The following ESRRG variants were observed in gnomAD, a reference collection of about 807,000 sequenced individuals.
ESRRG encodes estrogen related receptor gamma, also known as estrogen-related receptor gamma.
In ESRRG, 13 loss-of-function variants were observed where a neutral mutation model predicts 44.0. That is an observed-to-expected ratio of 0.30 (90% CI 0.19 to 0.47). The LOEUF is 0.47. Among genes scored for constraint, ESRRG ranks in the 20% least tolerant of loss-of-function variants. The pLI, the probability that ESRRG is intolerant of heterozygous loss-of-function variation, is 1.00. For synonymous variants in ESRRG, 215 were observed against 214.6 expected, an observed-to-expected ratio of 1.00 and a Z score of -0.02; for missense variants, 395 against 580.6, an observed-to-expected ratio of 0.68 and a Z score of 3.29.
intron 3 of ESRRG, among the ~76,000 whole-genome samples, chr1:216,630,250 C>G (rs1448729165): frequency 6.6e-6 from 1 of 152,144 alleles, no homozygotes; most frequent in Non-Finnish European, 1.5e-5. Flanking sequence ...CATTCATTCT[C>G]TGGTCAGAGA....
intron 2 of ESRRG, among the ~76,000 whole-genome samples, chr1:216,732,602 C>T (rs769456124): frequency 5.9e-5 from 9 of 151,864 alleles, no homozygotes; most frequent in Non-Finnish European, 1.3e-4. Flanking sequence ...GTCTCGAATG[C>T]CTGACCTCAG....
chr1:216,761,868 T>A (rs930261810), intron 2 of ESRRG, among the ~76,000 whole-genome samples: 4 of 152,100 alleles, frequency 2.6e-5, no homozygotes, highest in African/African-American at 9.7e-5. Flanking sequence ...TTCCCCAGTT[T>A]TCAGGGAATC....
At chr1:216,882,058 C>G (rs1261950696) in intron 2 of ESRRG, among the ~76,000 whole-genome samples, 1 of 151,752 alleles carries the variant, frequency 6.6e-6, no homozygotes, top group Non-Finnish European at 1.5e-5. Context: ...CACATAAGCA[C>G]TCTCCCTGTG....
intron 1 of ESRRG, among the ~76,000 whole-genome samples, chr1:217,085,480 C>CTTTTTTTTTT (rs2092021463): frequency 6.0e-5 from 4 of 66,342 alleles, no homozygotes; most frequent in African/African-American, 2.4e-4. Flanking sequence ...CTTTTCTTTT[C>CTTTTTTTTTT]ATTTTTTTTT....
chr1:217,068,077 A>G lies in ESRRG; in HGVS notation c.-106+21430T>C, dbSNP rs576019551. Among the ~76,000 whole-genome samples the G allele has an allele frequency of 2.6e-5, 4 of 152,316 alleles. No individual in the cohort carries two copies. In the South Asian group the frequency reaches 8.3e-4, roughly 32 times the overall value. On this transcript the variant is annotated intron_variant, in intron 1 of 7. Coordinates refer to the ESRRG transcript ENST00000359162. The stretch of plus-strand genomic sequence containing the variant: ...AAACACGGGACCTAAGTTTGCAAGT[A>G]CAAGGTCATTTCTCTCTGCATAGAG...
intron 3 of ESRRG, among the ~76,000 whole-genome samples, chr1:216,634,668 G>A (rs896331541): frequency 5.9e-5 from 9 of 152,104 alleles, no homozygotes; most frequent in African/African-American, 1.9e-4. Context: ...TCCACCCAGC[G>A]AGCAGACTGC....
chr1:216,506,885 G>A lies in ESRRG; in HGVS notation c.*54C>T. On this transcript the variant is annotated 3_prime_UTR_variant, in exon 7 of 7. Coordinates refer to ENST00000408911, the MANE Select transcript of ESRRG (RefSeq NM_001438.4). ...CTAAGTTTCTTCGACATCACTCTTGGGTTTATTTTCCCTTTTTCAACATGA... is the reference window on the plus strand; with the variant it reads ...CTAAGTTTCTTCGACATCACTCTTGAGTTTATTTTCCCTTTTTCAACATGA... 1 of 1,572,962 alleles carries A rather than the reference G, an allele frequency of 6.4e-7. No homozygotes were observed. Among genetic ancestry groups the A allele is most frequent in the Non-Finnish European group, 8.6e-7 (1 of 1,161,344 alleles).
At chr1:216,729,555 T>C (rs2088281834) in intron 2 of ESRRG, among the ~76,000 whole-genome samples, 1 of 152,126 alleles carries the variant, frequency 6.6e-6, no homozygotes, top group Non-Finnish European at 1.5e-5. Flanking sequence ...ACATATACAT[T>C]GGCTGCATGT....
chr1:216,856,666 A>G (rs932785274), intron 2 of ESRRG, among the ~76,000 whole-genome samples: 1 of 152,234 alleles, frequency 6.6e-6, no homozygotes, highest in African/African-American at 2.4e-5. Context: ...CACTGCAATT[A>G]TTGACGAAGA....
intron 1 of ESRRG, among the ~76,000 whole-genome samples, chr1:217,135,915 C>T (rs2093043003): frequency 6.6e-6 from 1 of 152,096 alleles, no homozygotes; most frequent in Admixed American, 6.5e-5. Context: ...TGCTCAAGAT[C>T]CCCCCTTTTC....
At chr1:216,574,559 A>G (rs2061367422) in intron 3 of ESRRG, among the ~76,000 whole-genome samples, 1 of 152,176 alleles carries the variant, frequency 6.6e-6, no homozygotes, top group Admixed American at 6.5e-5. Context: ...TTCCCTTCAG[A>G]GAATTACACA....
chr1:216,692,651 C>A (rs1388640869), intron 1 of ESRRG, among the ~76,000 whole-genome samples: 1 of 152,126 alleles, frequency 6.6e-6, no homozygotes, highest in Non-Finnish European at 1.5e-5. Flanking sequence ...CCTAGGCCTT[C>A]ACATTCACTC....
intron 3 of ESRRG, among the ~76,000 whole-genome samples, chr1:216,633,322 G>A (rs2064629227): frequency 6.6e-6 from 1 of 152,184 alleles, no homozygotes; most frequent in Admixed American, 6.5e-5. Flanking sequence ...GCTCTCAGTG[G>A]GCTTGCAGGG....
chr1:216,539,800 C>T (rs530635288), intron 5 of ESRRG, among the ~76,000 whole-genome samples: 12 of 151,788 alleles, frequency 7.9e-5, no homozygotes, highest in African/African-American at 2.9e-4. Flanking sequence ...GGAATGTGCT[C>T]AAAATATATT....
intron 1 of ESRRG, among the ~76,000 whole-genome samples, chr1:216,689,732 C>A (rs1313147029): frequency 6.6e-6 from 1 of 152,026 alleles, no homozygotes; most frequent in Non-Finnish European, 1.5e-5. Flanking sequence ...CACACACAAA[C>A]ATATTATCTA....
chr1:216,617,694 G>A (rs2150406653), intron 3 of ESRRG, among the ~76,000 whole-genome samples: 1 of 152,232 alleles, frequency 6.6e-6, no homozygotes, highest in South Asian at 2.1e-4. Flanking sequence ...AGCACTTGTT[G>A]CTCCTGAAAG....
intron 1 of ESRRG, among the ~76,000 whole-genome samples, chr1:217,049,989 G>A (rs1424704498): frequency 6.6e-6 from 1 of 152,220 alleles, no homozygotes; most frequent in Non-Finnish European, 1.5e-5. Context: ...AACAAGAGCA[G>A]AAGTATGAGA....
intron 2 of ESRRG, among the ~76,000 whole-genome samples, chr1:216,812,207 TATATA>T (rs1320158444): frequency 6.6e-6 from 1 of 152,222 alleles, no homozygotes; most frequent in Non-Finnish European, 1.5e-5. Context: ...AAAGAGTTAC[TATATA>T]AAATAAGTAA....
chr1:216,753,747 C>G (rs146351697), intron 2 of ESRRG, among the ~76,000 whole-genome samples: 50 of 152,148 alleles, frequency 3.3e-4, no homozygotes, highest in African/African-American at 1.2e-3. Flanking sequence ...GCTGAAAAGC[C>G]AGGACCCTTT....
Sources: gnomAD v4.1 joint callset for allele counts (sites outside exome capture counted in the v4.1 genomes callset) on GRCh38, gnomAD v4.1.1 for gene constraint, MANE v1.5 for transcripts, NCBI Gene and HGNC (gene_info 2026-07-23, HGNC 2026-07-21) for gene names.